The following TENM4 variants were observed in gnomAD, a reference collection of about 807,000 sequenced individuals.
TENM4 encodes the protein teneurin transmembrane protein 4.
A neutral mutation model predicts 243.3 loss-of-function variants in TENM4; 82 were observed. The ratio of observed to expected loss-of-function variants is 0.34; its 90% CI spans 0.28 to 0.40. TENM4 has a LOEUF of 0.40. TENM4 is among the 10% of genes least tolerant of loss of function. TENM4 has a pLI of 1.00. For synonymous variants in TENM4, 1,412 were observed against 1,456.3 expected (o/e 0.97, Z 0.69); for missense variants, 3,138 against 3,673.3 (o/e 0.85, Z 3.77).
At chr11:79,305,272 C>T (rs368667792) in intron 1 of TENM4, among the ~76,000 whole-genome samples, 5 of 152,198 alleles carry the variant, frequency 3.3e-5, no homozygotes, top group African/African-American at 1.2e-4. Context: ...GATCTTTATG[C>T]CAGCCTTTCA....
At chr11:78,886,963 C>T (rs1331788353) in intron 9 of TENM4, among the ~76,000 whole-genome samples, 1 of 152,220 alleles carries the variant, frequency 6.6e-6, no homozygotes, top group East Asian at 1.9e-4. Context: ...ATCAGCTTTT[C>T]CTGACTAGTT....
At chr11:79,387,473 C>G (rs554349255) in intron 1 of TENM4, among the ~76,000 whole-genome samples, 2 of 152,310 alleles carry the variant, frequency 1.3e-5, no homozygotes, top group Non-Finnish European at 2.9e-5. Flanking sequence ...GGCATTTAAT[C>G]TACCCAGCAT....
rs369921322 is a variant in TENM4, at chr11:78,960,417, G to A, written c.494-56894C>T. 1.5e-4 allele frequency among the ~76,000 whole-genome samples: 23 copies of A among 152,276 alleles called. No individual in the cohort carries two copies. In the South Asian group the frequency reaches 3.5e-3, roughly 23 times the overall value. On this transcript the variant is annotated intron_variant, in intron 6 of 33. Coordinates refer to ENST00000278550, the MANE Select transcript of TENM4 (RefSeq NM_001098816.3). ...TAGAAAAGGAGGGTAGGTAATGACC[G>A]CCCTTCATTGTCATTTGGTGGGGGA...
At chr11:79,229,432 C>G (rs746787023) in intron 2 of TENM4, among the ~76,000 whole-genome samples, 1 of 152,316 alleles carries the variant, frequency 6.6e-6, no homozygotes, top group East Asian at 1.9e-4. Context: ...AGTTTCATGT[C>G]TATACTTTTG....
chr11:79,252,891 G>A lies in TENM4; in HGVS notation c.-264-36982C>T, dbSNP rs56325151. Among the ~76,000 whole-genome samples the A allele has an allele frequency of 7.8e-3, 1,191 of 152,314 alleles. 13 individuals carry two copies. Among genetic ancestry groups the A allele is most frequent in the African/African-American group, 0.028 (1,145 of 41,570 alleles). On this transcript the variant is annotated intron_variant, in intron 2 of 33. Transcript: ENST00000278550. ...CCCCAGCTCACTCCCAGACAGACGA[G>A]TAAGAGTCAATGATTGTTTTAAGCT...
At chr11:79,054,919 T>C (rs183017261) in intron 6 of TENM4, among the ~76,000 whole-genome samples, 65 of 152,084 alleles carry the variant, frequency 4.3e-4, no homozygotes, top group Admixed American at 1.7e-3. Flanking sequence ...TCATCTGAGG[T>C]CAGGAGTTCA....
chr11:79,070,101 A>C, intron 4 of TENM4, 92 bp from the exon 5 acceptor site: 5 of 1,406,998 alleles, frequency 3.6e-6, no homozygotes, highest in Non-Finnish European at 4.7e-6. Context: ...AGCCCTGTGG[A>C]CAGAGAACCC....
chr11:78,677,050 C>T (rs551480619), intron 29 of TENM4, among the ~76,000 whole-genome samples: 51 of 152,178 alleles, frequency 3.4e-4, no homozygotes, highest in Middle Eastern at 3.4e-3. Context: ...GTTCCAGAAT[C>T]GGATCATAGT....
At chr11:79,284,055 C>T (rs372661893) in intron 2 of TENM4, among the ~76,000 whole-genome samples, 13 of 152,052 alleles carry the variant, frequency 8.5e-5, no homozygotes, top group East Asian at 1.9e-4. Context: ...AAATTAAAGC[C>T]GCCTTGAATA....
chr11:78,993,192 G>T (rs1858087302), intron 6 of TENM4, among the ~76,000 whole-genome samples: 1 of 152,130 alleles, frequency 6.6e-6, no homozygotes. Context: ...CCAAAGCTAT[G>T]ATCAAGACAG....
intron 1 of TENM4, among the ~76,000 whole-genome samples, chr11:79,336,555 T>C (rs556628): frequency 0.98 from 149,935 of 152,340 alleles, 73,953 homozygotes; most frequent in Middle Eastern, 1. Context: ...CAATAAGGAA[T>C]CTAGAGAGCC....
chr11:79,388,097 G>C (rs1471883030), intron 1 of TENM4, among the ~76,000 whole-genome samples: 1 of 152,192 alleles, frequency 6.6e-6, no homozygotes, highest in Non-Finnish European at 1.5e-5. Context: ...GAAATGTTCT[G>C]GGAGTTTCTA....
chr11:79,403,708 T>C (rs546657447), intron 1 of TENM4, among the ~76,000 whole-genome samples: 2 of 151,988 alleles, frequency 1.3e-5, no homozygotes, highest in South Asian at 2.1e-4. Flanking sequence ...ACTCCACAAG[T>C]CAGTACCCAG....
intron 7 of TENM4, among the ~76,000 whole-genome samples, chr11:78,899,573 A>AGGG (rs1565430097): frequency 0.041 from 2,848 of 69,318 alleles, 309 homozygotes; most frequent in Non-Finnish European, 0.061. Context: ...GGGGGGGGGA[A>AGGG]AAAGAAAAAA....
intron 6 of TENM4, among the ~76,000 whole-genome samples, chr11:79,041,069 C>CTT (rs35346731): frequency 0.087 from 12,776 of 146,642 alleles, 1,201 homozygotes; most frequent in African/African-American, 0.24. Context: ...CCATTCTCCT[C>CTT]TTTTTTTTTT....
At chr11:79,132,870 C>T (rs1001198467) in intron 4 of TENM4, among the ~76,000 whole-genome samples, 4 of 152,054 alleles carry the variant, frequency 2.6e-5, no homozygotes, top group African/African-American at 9.7e-5. Context: ...AAGTTCATAG[C>T]CCTAAACACC....
At chr11:78,818,713 T>C (rs1424046723) in intron 12 of TENM4, among the ~76,000 whole-genome samples, 1 of 152,198 alleles carries the variant, frequency 6.6e-6, no homozygotes, top group Admixed American at 6.5e-5. Flanking sequence ...TGAACTTTAA[T>C]GCGTAAGTAC....
chr11:79,388,685 A>G (rs1022797634), intron 1 of TENM4, among the ~76,000 whole-genome samples: 2 of 152,246 alleles, frequency 1.3e-5, no homozygotes, highest in Non-Finnish European at 2.9e-5. Flanking sequence ...TGCCAGCTAT[A>G]AAGCATCCAA....
At chr11:78,738,005 T>C (rs189837870) in intron 20 of TENM4, among the ~76,000 whole-genome samples, 1 of 152,274 alleles carries the variant, frequency 6.6e-6, no homozygotes. Flanking sequence ...ATTAAGGAAG[T>C]TTTATTTCAT....
Sources: gnomAD v4.1 joint callset for allele counts (sites outside exome capture counted in the v4.1 genomes callset) on GRCh38, gnomAD v4.1.1 for gene constraint, MANE v1.5 for transcripts, NCBI Gene and HGNC (gene_info 2026-07-23, HGNC 2026-07-21) for gene names.